The following CLCA4 variants were observed in gnomAD, a reference collection of about 807,000 sequenced individuals.
CLCA4 encodes chloride channel accessory 4, also known as calcium-activated chloride channel regulator 4.
Under a neutral mutation model 78.9 loss-of-function variants are expected in CLCA4, and 69 were observed. The observed-to-expected ratio is 0.87, with a 90% CI of 0.72 to 1.07. CLCA4 has a LOEUF of 1.07. CLCA4 is among the 50% of genes least tolerant of loss of function. The probability of loss-of-function intolerance (pLI) is 0.00; values close to 1 mark genes in which losing one functional copy is unlikely to be tolerated. For missense variants in CLCA4, 1,133 were observed against 1,095.8 expected (o/e 1.03, Z -0.48); for synonymous variants, 362 against 375.8 (o/e 0.96, Z 0.42).
chr1:86,549,811 T>G (rs2101786803), intron 1 of CLCA4, among the ~76,000 whole-genome samples: 2 of 152,308 alleles, frequency 1.3e-5, no homozygotes, highest in Admixed American at 1.3e-4. Context: ...TGGTTGGGGC[T>G]TTTGGAATTT....
intron 8 of CLCA4, 113 bp downstream of exon 8, chr1:86,571,367 C>T (rs1306658670): frequency 1.0e-6 from 1 of 972,812 alleles, no homozygotes. Flanking sequence ...AGCTGGGGAC[C>T]AGACCCAATC....
Position 86,565,934 on chromosome 1 carries a change from A to G in CLCA4, c.868A>G (p.Thr290Ala). The G allele has an allele frequency of 3.7e-6, 6 of 1,613,356 alleles. No individual in the cohort carries two copies. The highest frequency in any genetic ancestry group is 4.2e-6 in the Non-Finnish European group (5 of 1,179,378). The change falls in exon 6 of 14, where the codon ACA becomes GCA. Residue 290 changes from threonine to alanine, a missense_variant. Physicochemically the swap from Thr to Ala is moderately conservative, Grantham distance 58. Coordinates refer to ENST00000370563, the MANE Select transcript of CLCA4 (RefSeq NM_012128.4). ...EDFKNTIPMVTPPPPPVFSLL... is the reference protein window; with the variant it reads ...EDFKNTIPMVAPPPPPVFSLL... The stretch of plus-strand genomic sequence containing the variant: ...TTTTAAAAACACCATACCCATGGTG[A>G]CACCACCTCCTCCACCTGTCTTCTC...
Position 86,578,009 on chromosome 1 carries a change from G to A in CLCA4, c.2059G>A (p.Ala687Thr), listed in dbSNP as rs1489859316. 6.2e-7 allele frequency: 1 copy of A among 1,612,796 alleles called. No homozygotes were observed. The highest frequency in any genetic ancestry group is 1.1e-5 in the South Asian group (1 of 91,030). Residue 687 changes from alanine (A) to threonine (T), a missense_variant, in exon 12 of 14, where the codon GCC becomes ACC. Ala to Thr is a moderately conservative substitution (Grantham distance 58, BLOSUM62 0). Coordinates refer to ENST00000370563, the MANE Select transcript of CLCA4 (RefSeq NM_012128.4). The stretch of plus-strand genomic sequence containing the variant: ...TCGGGCTCATGGAGGAGCAAACACT[G>A]CCAGGCTAAAATTACGGCCTCCACT... ...KVRAHGGANT[A>T]RLKLRPPLNR... is the part of the protein sequence containing the mutation.
At chr1:86,550,871 C>T (rs1159353442) in intron 1 of CLCA4, among the ~76,000 whole-genome samples, 3 of 149,602 alleles carry the variant, frequency 2.0e-5, no homozygotes, top group Non-Finnish European at 4.4e-5. Context: ...TCGATCTGTC[C>T]CCCAGGCTGG....
At chr1:86,563,904 T>G in intron 4 of CLCA4, 135 bp downstream of exon 4, 1 of 518,574 alleles carries the variant, frequency 1.9e-6, no homozygotes. Context: ...TTTTAGAAAG[T>G]GTATCTTTAA....
At position 86,565,391 on chromosome 1, in the gene CLCA4, C is replaced by A; in HGVS notation, c.675C>A (p.Phe225Leu). The change falls in exon 5 of 14, where the codon TTC (phenylalanine) becomes TTA (leucine). Residue 225 changes from phenylalanine (F) to leucine (L), a missense_variant. Transcript: ENST00000370563. ...TTKLYGKDCQ[F>L]FPDKVQTEKA... ...AACTGTATGGAAAAGATTGTCAATT[C>A]TTTCCTGATAAAGTACAAACAGAAA... The A allele has an allele frequency of 6.2e-7, 1 of 1,608,698 alleles. No individual in the cohort carries two copies. The highest frequency in any genetic ancestry group is 8.5e-7 in the Non-Finnish European group (1 of 1,176,022).
chr1:86,553,594 A>G (rs1649733751), intron 1 of CLCA4, among the ~76,000 whole-genome samples: 1 of 152,164 alleles, frequency 6.6e-6, no homozygotes, highest in African/African-American at 2.4e-5. Context: ...TTTTAAAACA[A>G]TCAACTCTGC....
At chr1:86,564,960 T>C (rs1650133660) in intron 4 of CLCA4, among the ~76,000 whole-genome samples, 1 of 152,028 alleles carries the variant, frequency 6.6e-6, no homozygotes, top group South Asian at 2.1e-4. Context: ...CAGGTCCCTA[T>C]AGCATATTTA....
chr1:86,574,268 G>A (rs961508352), intron 9 of CLCA4, among the ~76,000 whole-genome samples: 1 of 151,954 alleles, frequency 6.6e-6, no homozygotes, highest in Non-Finnish European at 1.5e-5. Flanking sequence ...ATCCATGAAT[G>A]CTTGCCAAGA....
chr1:86,554,722 A>T (rs972880551), intron 1 of CLCA4, among the ~76,000 whole-genome samples: 16 of 152,262 alleles, frequency 1.1e-4, no homozygotes, highest in Non-Finnish European at 2.1e-4. Flanking sequence ...CAGTAATGGG[A>T]TTGCTGGGTT....
intron 8 of CLCA4, 133 bp downstream of exon 8, chr1:86,571,387 G>A (rs1189931739): frequency 1.2e-5 from 9 of 748,344 alleles, no homozygotes; most frequent in South Asian, 7.3e-5. Context: ...CTCTGTTCTC[G>A]TGGCACTTGG....
At chr1:86,547,689 G>A (rs1649542219) in intron 1 of CLCA4, among the ~76,000 whole-genome samples, 1 of 152,046 alleles carries the variant, frequency 6.6e-6, no homozygotes, top group South Asian at 2.1e-4. Context: ...CCCTGGTTTA[G>A]TTCCTGCATA....
rs76221394 is a variant in CLCA4, at chr1:86,564,202, G to A, written c.557+433G>A. Among the ~76,000 whole-genome samples, 1,093 of 152,202 alleles carry A rather than the reference G, an allele frequency of 7.2e-3. 14 individuals are homozygous for A. Among genetic ancestry groups the A allele is most frequent in the African/African-American group, 0.024 (978 of 41,538 alleles). On this transcript the variant is annotated intron_variant, in intron 4 of 13. Coordinates refer to ENST00000370563, the MANE Select transcript of CLCA4 (RefSeq NM_012128.4). ...TTTATAAAGGTTATTTTATAATGCC[G>A]TCTAGCATCACAGTTAATAATAAAC...
chr1:86,570,664 G>C (rs994132028), intron 7 of CLCA4, among the ~76,000 whole-genome samples: 5 of 151,986 alleles, frequency 3.3e-5, no homozygotes, highest in African/African-American at 1.2e-4. Flanking sequence ...AATGCATCTA[G>C]CTTTAAATGC....
intron 1 of CLCA4, among the ~76,000 whole-genome samples, chr1:86,555,690 T>A (rs1649819365): frequency 6.6e-6 from 1 of 152,234 alleles, no homozygotes; most frequent in African/African-American, 2.4e-5. Flanking sequence ...GGCTCTTTTT[T>A]ATTCCATATG....
At chr1:86,571,716 C>T (rs1320528651) in intron 8 of CLCA4, among the ~76,000 whole-genome samples, 1 of 151,844 alleles carries the variant, frequency 6.6e-6, no homozygotes, top group Non-Finnish European at 1.5e-5. Context: ...CCCATGAGAC[C>T]AGAGCATAAG....
intron 11 of CLCA4, 57 bp downstream of exon 11, chr1:86,575,656 G>A: frequency 6.7e-7 from 1 of 1,483,626 alleles, no homozygotes; most frequent in Non-Finnish European, 9.3e-7. Flanking sequence ...CATGTTGTGA[G>A]TCCCTGTGGC....
chr1:86,549,140 T>C (rs1649585551), intron 1 of CLCA4, among the ~76,000 whole-genome samples: 1 of 151,800 alleles, frequency 6.6e-6, no homozygotes, highest in South Asian at 2.1e-4. Context: ...AAGGGGGATA[T>C]GGAGTGTTAG....
At chr1:86,570,589 A>G (rs189722413) in intron 7 of CLCA4, among the ~76,000 whole-genome samples, 4 of 152,198 alleles carry the variant, frequency 2.6e-5, no homozygotes, top group African/African-American at 4.8e-5. Flanking sequence ...TTTTTTCTTT[A>G]TAAGCATACT....
Sources: allele counts gnomAD v4.1 joint callset (sites outside exome capture counted in the v4.1 genomes callset), GRCh38; gene constraint gnomAD v4.1.1; transcripts MANE v1.5; gene names NCBI Gene and HGNC (gene_info 2026-07-23, HGNC 2026-07-21).